Variants in TTF1 observed in about 807,000 individuals in gnomAD.
TTF1 encodes transcription termination factor, RNA polymerase I.
A neutral mutation model predicts 80.2 loss-of-function variants in TTF1; 64 were observed. The observed-to-expected ratio is 0.80, with a 90% confidence interval of 0.65 to 0.98. TTF1 has a LOEUF of 0.98. Ranked by LOEUF, TTF1 falls within the 50% of genes least tolerant of loss-of-function variation. The pLI is 0.00. For missense variants in TTF1, 1,023 were observed against 1,086.2 expected (o/e 0.94, Z 0.82); for synonymous variants, 372 against 382.7 (o/e 0.97, Z 0.33).
intron 8 of TTF1, among the ~76,000 whole-genome samples, chr9:132,387,893 C>T (rs939862719): frequency 3.3e-5 from 5 of 152,190 alleles, no homozygotes; most frequent in Admixed American, 6.5e-5. Flanking sequence ...ATGTTTCACA[C>T]GTTATTTTCT....
Position 132,390,811 on chromosome 9 carries a change from T to C in TTF1, c.2008A>G (p.Ser670Gly). 1 of 1,614,098 alleles carries C rather than the reference T, an allele frequency of 6.2e-7. No homozygotes were observed. The highest frequency in any genetic ancestry group is 8.5e-7 in the Non-Finnish European group (1 of 1,180,000). Residue 670 changes from serine (S) to glycine (G), a missense_variant, in exon 7 of 11, where the codon AGT becomes GGT. Coordinates refer to ENST00000334270, the MANE Select transcript of TTF1 (RefSeq NM_007344.4). ...ATTAGTTTCCGGGTTTCAGACTTACTCCAAGCACCACGATTTCTTTCTGTA... is the reference window on the plus strand; with the variant it reads ...ATTAGTTTCCGGGTTTCAGACTTACCCCAAGCACCACGATTTCTTTCTGTA... Reference protein sequence around the residue: ...ISSQRNRGAWSKSETRKLIKA... With the variant: ...ISSQRNRGAWGKSETRKLIKA...
chr9:132,377,700 TGTG>T (rs1291999662), intron 10 of TTF1, among the ~76,000 whole-genome samples: 3 of 96,178 alleles, frequency 3.1e-5, no homozygotes, highest in African/African-American at 8.1e-5. Flanking sequence ...TGTGAGTGCA[TGTG>T]GTGTGTGTGA....
Position 132,400,032 on chromosome 9 carries a change from C to A in TTF1, c.1591+3G>T. ...AACAAACACTAAGGCCCCACAAGCT[C>A]ACCTTGTGCTTTAAATTCCTTAAAC... On this transcript the variant is annotated splice_donor_region_variant and intron_variant, in intron 3 of 10. Coordinates refer to ENST00000334270, the MANE Select transcript of TTF1 (RefSeq NM_007344.4). The A allele has an allele frequency of 6.2e-7, 1 of 1,614,152 alleles. No individual in the cohort carries two copies. The highest frequency in any genetic ancestry group is 1.1e-5 in the South Asian group (1 of 91,082).
rs559809646 is a variant in TTF1 at position 132,397,030 on chromosome 9, C to T, written c.1778-519G>A. On this transcript the variant is annotated intron_variant, in intron 4 of 10. Transcript: ENST00000334270. ...GATTACAGGCATGAGCCACCGCGCC[C>T]GGCCTAAGAAAGCTGTCTTGAAGAG... Among the ~76,000 whole-genome samples, 15 of 152,158 alleles carry T rather than the reference C, an allele frequency of 9.9e-5. 1 individual carries two copies. The highest frequency in any genetic ancestry group is 2.0e-4 in the Admixed American group (3 of 15,282).
chr9:132,392,731 G>A (rs180972484), intron 5 of TTF1, among the ~76,000 whole-genome samples: 4 of 152,168 alleles, frequency 2.6e-5, no homozygotes, highest in African/African-American at 4.8e-5. Flanking sequence ...AGCCTCTTAC[G>A]GAGTTTAAGT....
chr9:132,378,405 A>C (rs1849288862), intron 10 of TTF1, among the ~76,000 whole-genome samples: 1 of 88,330 alleles, frequency 1.1e-5, no homozygotes, highest in Non-Finnish European at 2.1e-5. Context: ...ATGTGGTGTG[A>C]GTGCATGTGG....
intron 10 of TTF1, among the ~76,000 whole-genome samples, chr9:132,377,878 GGTGT>G (rs142291275): frequency 0.022 from 2,915 of 132,874 alleles, 209 homozygotes; most frequent in African/African-American, 0.079. Flanking sequence ...GCATGCATGT[GGTGT>G]GTGTGAGTGC....
chr9:132,382,164 G>A (rs913148423), intron 9 of TTF1, among the ~76,000 whole-genome samples: 3 of 152,190 alleles, frequency 2.0e-5, no homozygotes, highest in Admixed American at 2.0e-4. Context: ...AAATGCAAGA[G>A]CTATGTGCAG....
chr9:132,392,559 G>A (rs1372103535), intron 5 of TTF1, among the ~76,000 whole-genome samples: 7 of 151,164 alleles, frequency 4.6e-5, no homozygotes, highest in South Asian at 2.1e-4. Flanking sequence ...TTCGGGGAGC[G>A]CCTCCCTGAC....
In TTF1 at chr9:132,401,105, G is replaced by A. The variant is rs1010951521; in HGVS notation, c.1367+350C>T. ...AGCACTTTGGGAGGCTGAGGCAGGC[G>A]GATCACCTGAGGTCAGGAGTTCGAG... is the stretch of plus-strand genomic sequence containing the variant. On this transcript the variant is annotated intron_variant, in intron 2 of 10. Coordinates refer to ENST00000334270, the MANE Select transcript of TTF1 (RefSeq NM_007344.4). Among the ~76,000 whole-genome samples the A allele has an allele frequency of 2.6e-5, 4 of 152,132 alleles. No homozygotes were observed. In the East Asian group the frequency reaches 7.7e-4, roughly 29 times the overall value.
In TTF1 at chr9:132,396,413, T is replaced by G. The variant is rs760090749; in HGVS notation, c.1856+20A>C. 4 of 1,611,462 alleles carry G rather than the reference T, an allele frequency of 2.5e-6. No individual in the cohort carries two copies. Among genetic ancestry groups the G allele is most frequent in the Non-Finnish European group, 3.4e-6 (4 of 1,177,514 alleles). ...AGACTAGAGAAATGTTGTCTCAAGC[T>G]GCTAAGACTTTTTTCTTACCTGCCT... On this transcript the variant is annotated intron_variant, in intron 5 of 10. Coordinates refer to ENST00000334270, the MANE Select transcript of TTF1 (RefSeq NM_007344.4).
intron 10 of TTF1, among the ~76,000 whole-genome samples, chr9:132,376,660 T>C (rs888705732): frequency 4.0e-5 from 6 of 149,360 alleles, no homozygotes; most frequent in African/African-American, 2.5e-5. Context: ...GAAATCTGTA[T>C]CCTTTTTTTT....
In TTF1 at chr9:132,401,655, A is replaced by T. The variant is rs760400188; in HGVS notation, c.1167T>A (p.Ser389=). 6.8e-6 allele frequency: 11 copies of T among 1,614,026 alleles called. No homozygotes were observed. Among genetic ancestry groups the T allele is most frequent in the Non-Finnish European group, 8.5e-6 (10 of 1,180,042 alleles). ...TGACAGACGTAAGCTTCCTTTTCTTAGACTTCTTCTTTGTACTGTTGGATT... is the reference window on the plus strand; with the variant it reads ...TGACAGACGTAAGCTTCCTTTTCTTTGACTTCTTCTTTGTACTGTTGGATT... ...FKESNSTKKK[S]KKRKLTSVKR... Residue 389 remains serine (S), a synonymous_variant, in exon 2 of 11, where the codon TCT becomes TCA. Transcript: ENST00000334270.
chr9:132,382,761 C>CAAAAA (rs55904518), intron 9 of TTF1, among the ~76,000 whole-genome samples: 4 of 136,934 alleles, frequency 2.9e-5, no homozygotes, highest in Non-Finnish European at 3.1e-5. Context: ...ACTAAAAATA[C>CAAAAA]AAAAAAAAAA....
In TTF1 at chr9:132,393,931, T is replaced by G. The variant is rs149571329; in HGVS notation, c.1857-1725A>C. On this transcript the variant is annotated intron_variant, in intron 5 of 10. Coordinates refer to ENST00000334270, the MANE Select transcript of TTF1 (RefSeq NM_007344.4). ...CTAAAAAATACAATTTCTTTTTTTT[T>G]TTTTCTTTGAGACAGGGTCTGGCTC... Among the ~76,000 whole-genome samples the G allele has an allele frequency of 3.5e-4, 53 of 152,074 alleles. 2 individuals are homozygous for G. In the East Asian group the frequency reaches 0.01, roughly 29 times the overall value.
At chr9:132,397,917 T>C (rs976351479) in intron 4 of TTF1, among the ~76,000 whole-genome samples, 1 of 150,310 alleles carries the variant, frequency 6.7e-6, no homozygotes, top group African/African-American at 2.5e-5. Flanking sequence ...ACCCCAGAGG[T>C]GGAGGTTGCA....
intron 3 of TTF1, among the ~76,000 whole-genome samples, 177 bp downstream of exon 3, chr9:132,399,858 C>T (rs1267853066): frequency 6.6e-6 from 1 of 152,172 alleles, no homozygotes; most frequent in African/African-American, 2.4e-5. Context: ...AGAGGAAAAG[C>T]AAGTGCACTT....
intron 7 of TTF1, among the ~76,000 whole-genome samples, chr9:132,388,906 G>A (rs926928835): frequency 2.0e-5 from 3 of 152,302 alleles, no homozygotes; most frequent in African/African-American, 4.8e-5. Context: ...TCTTGGTAAC[G>A]GAGATACACA....
At position 132,401,679 on chromosome 9, in the gene TTF1, T is replaced by C. The variant is rs1483113430; in HGVS notation, c.1143A>G (p.Glu381=). The change falls in exon 2 of 11, where the codon GAA becomes GAG. Residue 381 remains glutamate (E), a synonymous_variant. Coordinates refer to ENST00000334270, the MANE Select transcript of TTF1 (RefSeq NM_007344.4). ...TAGACTTCTTCTTTGTACTGTTGGA[T>C]TCCTTGAACCCTTTAAGAGCTGTAC... ...EGSTALKGFK[E]SNSTKKKSKK... The C allele has an allele frequency of 9.3e-6, 15 of 1,614,232 alleles. No individual in the cohort carries two copies. The highest frequency in any genetic ancestry group is 1.3e-5 in the Non-Finnish European group (15 of 1,180,038).
Sources: gnomAD v4.1 joint callset for allele counts (sites outside exome capture counted in the v4.1 genomes callset) on GRCh38, gnomAD v4.1.1 for gene constraint, MANE v1.5 for transcripts, NCBI Gene and HGNC (gene_info 2026-07-23, HGNC 2026-07-21) for gene names.